SLC28A3: variants seen among roughly 807,000 people sequenced by gnomAD.
SLC28A3 encodes the protein concentrative Na(+)-nucleoside cotransporter 3.
SLC28A3 carries 68 observed loss-of-function variants against 84.2 expected under a neutral mutation model. The ratio of observed to expected loss-of-function variants is 0.81; its 90% CI spans 0.66 to 0.99. The LOEUF is 0.99. Ranked by LOEUF, SLC28A3 falls within the 50% of genes least tolerant of loss-of-function variation. The pLI, the probability that SLC28A3 is intolerant of heterozygous loss-of-function variation, is 0.00. For missense variants in SLC28A3, 712 were observed against 841.5 expected (o/e 0.85, Z 1.90); for synonymous variants, 267 against 303.6 (o/e 0.88, Z 1.25).
chr9:84,344,615 A>C (rs1429394648), upstream of SLC28A3, among the ~76,000 whole-genome samples: 2 of 152,210 alleles, frequency 1.3e-5, no homozygotes, highest in Non-Finnish European at 2.9e-5. Flanking sequence ...ATATTTTGAA[A>C]AGGAAACATT....
At chr9:84,338,849 A>G (rs1034882658) in intron 1 of SLC28A3, among the ~76,000 whole-genome samples, 16 of 152,164 alleles carry the variant, frequency 1.1e-4, no homozygotes, top group African/African-American at 3.9e-4. Flanking sequence ...TTTTGGCACA[A>G]GAATATTTTG....
At chr9:84,321,894 A>G (rs761697942) in intron 1 of SLC28A3, among the ~76,000 whole-genome samples, 4 of 152,030 alleles carry the variant, frequency 2.6e-5, no homozygotes, top group Non-Finnish European at 5.9e-5. Flanking sequence ...TACTAAAAAC[A>G]CAAAAATTAA....
intron 11 of SLC28A3, among the ~76,000 whole-genome samples, chr9:84,289,710 C>T (rs774943363): frequency 3.9e-5 from 6 of 152,236 alleles, no homozygotes; most frequent in Admixed American, 1.3e-4. Flanking sequence ...ATCACAACGA[C>T]TCAACTCTGT....
chr9:84,355,746 AC>A, the SLC28A3 span, among the ~76,000 whole-genome samples: 3 of 152,224 alleles, frequency 2.0e-5, no homozygotes, highest in African/African-American at 4.8e-5. Context: ...GGGGCTGGGT[AC>A]TTAAAACACT....
chr9:84,281,044 C>T (rs1824730676), intron 14 of SLC28A3, among the ~76,000 whole-genome samples, 162 bp from the exon 15 acceptor site: 1 of 152,120 alleles, frequency 6.6e-6, no homozygotes, highest in South Asian at 2.1e-4. Flanking sequence ...TTTACCATCT[C>T]CACTTGAATT....
At chr9:84,299,813 G>C in intron 5 of SLC28A3, 88 bp from the exon 6 acceptor site, 1 of 1,404,184 alleles carries the variant, frequency 7.1e-7, no homozygotes, top group Non-Finnish European at 9.5e-7. Context: ...TTTTTTGAGA[G>C]ATGGAGTCTT....
At chr9:84,320,231 T>G (rs1826332103) in intron 1 of SLC28A3, among the ~76,000 whole-genome samples, 1 of 151,618 alleles carries the variant, frequency 6.6e-6, no homozygotes, top group South Asian at 2.1e-4. Context: ...TTTTTTGTAT[T>G]TTTAGTAGAG....
At chr9:84,280,170 C>T in intron 15 of SLC28A3, 97 bp from the exon 16 acceptor site, 1 of 1,070,610 alleles carries the variant, frequency 9.3e-7, no homozygotes, top group Non-Finnish European at 1.3e-6. Context: ...CTCAGGTCAG[C>T]TGACTTTTTT....
In SLC28A3 at chr9:84,288,254, C is replaced by T. The variant is rs111967355; in HGVS notation, c.1150-76G>A. 209 of 1,592,976 alleles carry T rather than the reference C, an allele frequency of 1.3e-4. 5 individuals carry two copies. The African/African-American group carries it at 1.4e-3, about 10-fold the overall frequency. On this transcript the variant is annotated intron_variant, in intron 11 of 17. Transcript: ENST00000376238. ...GTTCAGAGGAAGGGTCCAAGAGCTC[C>T]GCAAGGGAAGAAACAGGGCAGGGGT...
At chr9:84,331,277 G>A (rs914771357) in intron 1 of SLC28A3, among the ~76,000 whole-genome samples, 2 of 152,240 alleles carry the variant, frequency 1.3e-5, no homozygotes, top group African/African-American at 4.8e-5. Flanking sequence ...AGCTCCAGCC[G>A]AGCGCCTCTT....
chr9:84,278,229 T>A lies in SLC28A3; in HGVS notation c.2065A>T (p.Asn689Tyr), dbSNP rs1824594760. The A allele has an allele frequency of 1.2e-6, 2 of 1,613,942 alleles. No individual in the cohort carries two copies. The highest frequency in any genetic ancestry group is 1.3e-5 in the African/African-American group (1 of 74,994). ...PSTFNCNGIS[N>Y]TF ...AGAAGTGGCTGACCTCAAAATGTAT[T>A]AGAGATCCCATTGCAGTTAAAGGTC... Residue 689 changes from asparagine to tyrosine, a missense_variant, in exon 18 of 18, where the codon AAT becomes TAT. Coordinates refer to ENST00000376238, the MANE Select transcript of SLC28A3 (RefSeq NM_001199633.2).
At chr9:84,292,338 C>T (rs567543237) in intron 10 of SLC28A3, among the ~76,000 whole-genome samples, 2 of 152,314 alleles carry the variant, frequency 1.3e-5, no homozygotes, top group African/African-American at 4.8e-5. Flanking sequence ...ATGAGAAGCT[C>T]TATGTCTATG....
intron 12 of SLC28A3, 150 bp downstream of exon 12, chr9:84,287,898 T>C (rs1045808971): frequency 1.8e-5 from 20 of 1,093,712 alleles, no homozygotes; most frequent in Non-Finnish European, 2.6e-5. Context: ...AATAAGACTT[T>C]TTTCTGTGAA....
Position 84,278,286 on chromosome 9 carries a change from A to C in SLC28A3, c.2008T>G (p.Leu670Val), listed in dbSNP as rs146281604. 5.0e-6 allele frequency: 8 copies of C among 1,614,106 alleles called. No individual in the cohort carries two copies. The highest frequency in any genetic ancestry group is 6.8e-6 in the Non-Finnish European group (8 of 1,180,040). The change falls in exon 18 of 18, where the codon TTG becomes GTG. Residue 670 changes from leucine to valine, a missense_variant. Transcript: ENST00000376238. ...TTCAACAATGTGCAGCAGCCCTTCAAAGAATACAGACTGTGGTTTCCTCCT... is the reference window on the plus strand; with the variant it reads ...TTCAACAATGTGCAGCAGCCCTTCACAGAATACAGACTGTGGTTTCCTCCT... ...IPGGNHSLYS[L>V]KGCCTLLNPS... is the part of the protein sequence containing the mutation.
chr9:84,318,424 A>C (rs1383528513), intron 1 of SLC28A3, among the ~76,000 whole-genome samples: 1 of 152,170 alleles, frequency 6.6e-6, no homozygotes, highest in African/African-American at 2.4e-5. Context: ...TCCCTTGGGA[A>C]CTTTGTGAGC....
At position 84,314,617 on chromosome 9, in the gene SLC28A3, G is replaced by T. The variant is rs1388180770; in HGVS notation, c.61-1163C>A. Among the ~76,000 whole-genome samples, 3 of 152,172 alleles carry T rather than the reference G, an allele frequency of 2.0e-5. No homozygotes were observed. In the East Asian group the frequency reaches 5.8e-4, roughly 29 times the overall value. ...ACATGAAAAAAAAGTTACAGTACAA[G>T]ATTCATGCATCAAAGTATTGTGCCA... On this transcript the variant is annotated intron_variant, in intron 1 of 17. Coordinates refer to ENST00000376238, the MANE Select transcript of SLC28A3 (RefSeq NM_001199633.2).
intron 11 of SLC28A3, 188 bp downstream of exon 11, chr9:84,289,966 A>G: frequency 5.6e-6 from 3 of 535,962 alleles, no homozygotes; most frequent in East Asian, 6.3e-5. Context: ...GGCAGCAGGT[A>G]TATGAAGCCC....
upstream of SLC28A3, among the ~76,000 whole-genome samples, chr9:84,342,127 C>CAAAAAA (rs200186519): frequency 0.057 from 3,864 of 68,250 alleles, 358 homozygotes; most frequent in African/African-American, 0.2. Context: ...GACCCTGTCT[C>CAAAAAA]AAAAAAAAAA....
chr9:84,325,644 T>A (rs1826523596), intron 1 of SLC28A3, among the ~76,000 whole-genome samples: 2 of 152,248 alleles, frequency 1.3e-5, no homozygotes, highest in Admixed American at 6.5e-5. Flanking sequence ...CCATACTTTA[T>A]GTCAAAGAGT....
Sources: gnomAD v4.1 joint callset for allele counts (sites outside exome capture counted in the v4.1 genomes callset) on GRCh38, gnomAD v4.1.1 for gene constraint, MANE v1.5 for transcripts, NCBI Gene and HGNC (gene_info 2026-07-23, HGNC 2026-07-21) for gene names.